TUT4: variants seen among roughly 807,000 people sequenced by gnomAD.
TUT4 encodes the protein terminal uridylyl transferase 4.
TUT4 carries 36 observed loss-of-function variants against 192.2 expected under a neutral mutation model. The observed-to-expected ratio is 0.19, with a 90% CI of 0.14 to 0.25. The LOEUF is 0.25. TUT4 is among the 10% of genes least tolerant of loss of function. The probability of loss-of-function intolerance (pLI) is 1.00; values close to 1 mark genes in which losing one functional copy is unlikely to be tolerated. For synonymous variants in TUT4, 618 were observed against 666.0 expected (o/e 0.93, Z 1.11); for missense variants, 1,493 against 1,957.2 (o/e 0.76, Z 4.47).
intron 28 of TUT4, among the ~76,000 whole-genome samples, chr1:52,429,358 T>A (rs893695066): frequency 2.4e-4 from 37 of 151,912 alleles, no homozygotes; most frequent in African/African-American, 8.7e-4. Context: ...GTGCTAATAG[T>A]TCTTAAGATA....
intron 11 of TUT4, among the ~76,000 whole-genome samples, chr1:52,480,470 T>C (rs1668225311): frequency 6.6e-6 from 1 of 152,188 alleles, no homozygotes; most frequent in Non-Finnish European, 1.5e-5. Flanking sequence ...AAAGCCTGAT[T>C]AGTGTGAGTT....
At chr1:52,511,526 G>A (rs896681833) in intron 3 of TUT4, among the ~76,000 whole-genome samples, 3 of 152,082 alleles carry the variant, frequency 2.0e-5, no homozygotes, top group Non-Finnish European at 4.4e-5. Flanking sequence ...GCCTGGGGTC[G>A]GGGGAGTTAC....
At chr1:52,433,672 A>T (rs1318887080) in intron 27 of TUT4, 1 of 152,210 alleles carries the variant, frequency 6.6e-6, no homozygotes, top group Non-Finnish European at 1.5e-5. Flanking sequence ...TGGTTAGAGC[A>T]TAAGTTTTGC....
intron 22 of TUT4, 42 bp from the exon 23 acceptor site, chr1:52,446,046 G>A: frequency 1.3e-6 from 2 of 1,555,412 alleles, no homozygotes; most frequent in Non-Finnish European, 1.7e-6. Context: ...TACATTCACT[G>A]TACCATAAAA....
At chr1:52,448,728 C>T (rs537186736) in intron 20 of TUT4, among the ~76,000 whole-genome samples, 38 of 151,880 alleles carry the variant, frequency 2.5e-4, no homozygotes, top group East Asian at 1.5e-3. Context: ...AAGATTCAGA[C>T]GCTATTATAG....
chr1:52,517,878 A>G (rs1679128480), intron 2 of TUT4, among the ~76,000 whole-genome samples: 1 of 152,228 alleles, frequency 6.6e-6, no homozygotes, highest in Non-Finnish European at 1.5e-5. Context: ...TTCCATATTT[A>G]TAACTGGCCT....
chr1:52,529,830 A>C (rs1233577610), intron 1 of TUT4: 2 of 152,136 alleles, frequency 1.3e-5, no homozygotes, highest in Non-Finnish European at 2.9e-5. Flanking sequence ...TTTCATTTTG[A>C]GTAATCTTTT....
chr1:52,490,640 AAAAC>A (rs1477195057), intron 8 of TUT4, 88 bp downstream of exon 8: 1 of 1,095,946 alleles, frequency 9.1e-7, no homozygotes, highest in Non-Finnish European at 1.3e-6. Context: ...GGAGAAATCT[AAAAC>A]AAAAACTTTT....
intron 9 of TUT4, among the ~76,000 whole-genome samples, chr1:52,486,677 C>A (rs542298357): frequency 6.6e-6 from 1 of 152,048 alleles, no homozygotes; most frequent in Non-Finnish European, 1.5e-5. Context: ...ATGACAAAAA[C>A]GAGACATGTT....
At position 52,442,192 on chromosome 1, in the gene TUT4, G is replaced by C. The variant is rs573005839; in HGVS notation, c.3822+3595C>G. 5.2e-5 allele frequency among the ~76,000 whole-genome samples: 7 copies of C among 135,002 alleles called. No individual in the cohort carries two copies. The South Asian group carries it at 1.6e-3, about 31-fold the overall frequency. 88.6% of individuals were successfully genotyped at this position (135,002 alleles called of 152,430 possible). A position where few individuals can be genotyped will look rare whatever the true frequency, so the allele number is the denominator to read the frequency against. On this transcript the variant is annotated intron_variant, in intron 24 of 29. Coordinates refer to ENST00000257177, the MANE Select transcript of TUT4 (RefSeq NM_001009881.3). Reference sequence around the variant, plus strand: ...CAAAAAAAAAAAAAAAAGCCAAAGTGTATGCTAGAGAGCAGACAAAATGTA... The same window carrying C: ...CAAAAAAAAAAAAAAAAGCCAAAGTCTATGCTAGAGAGCAGACAAAATGTA...
chr1:52,458,476 A>G (rs1557711928), intron 19 of TUT4, 27 bp from the exon 20 acceptor site: 2 of 1,541,536 alleles, frequency 1.3e-6, no homozygotes, highest in African/African-American at 2.7e-5. Flanking sequence ...TTGAAAACAA[A>G]ACTTCAGAGT....
intron 2 of TUT4, among the ~76,000 whole-genome samples, chr1:52,523,602 A>T (rs556491057): frequency 6.6e-6 from 1 of 151,932 alleles, no homozygotes; most frequent in African/African-American, 2.4e-5. Flanking sequence ...TCAAAAACAA[A>T]ACCAAACCAA....
intron 15 of TUT4, among the ~76,000 whole-genome samples, chr1:52,465,444 T>G (rs897932073): frequency 6.6e-6 from 1 of 152,214 alleles, no homozygotes; most frequent in African/African-American, 2.4e-5. Context: ...CCAAATCTAT[T>G]ACTATTTCTA....
chr1:52,504,030 T>C lies in TUT4; in HGVS notation c.999+5566A>G, dbSNP rs185804354. On this transcript the variant is annotated intron_variant, in intron 4 of 29. Coordinates refer to ENST00000257177, the MANE Select transcript of TUT4 (RefSeq NM_001009881.3). ...GACTGTGGGACATCTCTACTTGAAA[T>C]GTTCTGTAAGTGTCTCAAACTCAGA... 1.9e-3 allele frequency among the ~76,000 whole-genome samples: 291 copies of C among 152,342 alleles called. 1 individual carries two copies. Among genetic ancestry groups the C allele is most frequent in the Non-Finnish European group, 3.4e-3 (230 of 68,038 alleles).
intron 24 of TUT4, 109 bp downstream of exon 24, chr1:52,445,678 G>A (rs1657336985): frequency 2.5e-6 from 2 of 796,634 alleles, no homozygotes; most frequent in Non-Finnish European, 4.1e-6. Flanking sequence ...AATATACAAA[G>A]CTATGACCAT....
chr1:52,438,522 G>T (rs1463637049), intron 24 of TUT4, among the ~76,000 whole-genome samples, 187 bp from the exon 25 acceptor site: 2 of 152,148 alleles, frequency 1.3e-5, no homozygotes, highest in Non-Finnish European at 2.9e-5. Flanking sequence ...GTTGCTAATA[G>T]TACTAACCAA....
At chr1:52,513,028 C>A (rs1490909086) in intron 3 of TUT4, among the ~76,000 whole-genome samples, 1 of 151,100 alleles carries the variant, frequency 6.6e-6, no homozygotes, top group Non-Finnish European at 1.5e-5. Context: ...GAGGCTGAGG[C>A]ATGAGAATCA....
chr1:52,524,930 G>A (rs1052775514), intron 2 of TUT4, among the ~76,000 whole-genome samples: 5 of 152,290 alleles, frequency 3.3e-5, no homozygotes, highest in East Asian at 1.9e-4. Flanking sequence ...ATCTTTTGCC[G>A]TTCTCAACCT....
intron 1 of TUT4, among the ~76,000 whole-genome samples, chr1:52,548,567 C>T (rs1688650152): frequency 6.6e-6 from 1 of 152,128 alleles, no homozygotes; most frequent in East Asian, 1.9e-4. Context: ...GTACTCAATC[C>T]TTCTACATGG....
Sources: gnomAD v4.1 joint callset for allele counts (sites outside exome capture counted in the v4.1 genomes callset) on GRCh38, gnomAD v4.1.1 for gene constraint, MANE v1.5 for transcripts, NCBI Gene and HGNC (gene_info 2026-07-23, HGNC 2026-07-21) for gene names.